HS6ST3: variants seen among roughly 807,000 people sequenced by gnomAD.
HS6ST3 encodes heparan sulfate 6-O-sulfotransferase 3.
HS6ST3 carries 12 observed loss-of-function variants against 36.7 expected under a neutral mutation model. That is an observed-to-expected ratio of 0.33 (90% CI 0.21 to 0.53). The LOEUF (loss-of-function observed/expected upper bound fraction) is 0.53. HS6ST3 is among the 20% of genes least tolerant of loss of function. The pLI, the probability that HS6ST3 is intolerant of heterozygous loss-of-function variation, is 0.95. For synonymous variants in HS6ST3, 240 were observed against 257.5 expected (o/e 0.93, Z 0.65); for missense variants, 584 against 640.9 (o/e 0.91, Z 0.96).
At chr13:96,554,569 G>T (rs2056232228) in intron 1 of HS6ST3, among the ~76,000 whole-genome samples, 1 of 152,062 alleles carries the variant, frequency 6.6e-6, no homozygotes, top group South Asian at 2.1e-4. Context: ...CTTATCTGTG[G>T]ACTGTTAGGG....
chr13:96,404,904 C>T (rs932481018), intron 1 of HS6ST3, among the ~76,000 whole-genome samples: 7 of 152,234 alleles, frequency 4.6e-5, no homozygotes, highest in Non-Finnish European at 7.4e-5. Context: ...ATTATGGGGG[C>T]GGATCTTTCC....
intron 1 of HS6ST3, among the ~76,000 whole-genome samples, chr13:96,353,179 G>A (rs1348428878): frequency 7.4e-5 from 11 of 149,066 alleles, no homozygotes; most frequent in East Asian, 2.0e-4. Flanking sequence ...TCAGCCTCCC[G>A]AGTAGCTGGG....
chr13:96,758,559 A>C (rs989153109), intron 1 of HS6ST3, among the ~76,000 whole-genome samples: 1 of 151,668 alleles, frequency 6.6e-6, no homozygotes, highest in African/African-American at 2.4e-5. Context: ...TTATCCCACA[A>C]ATTTTGATGT....
At chr13:96,671,221 T>G (rs2056681585) in intron 1 of HS6ST3, among the ~76,000 whole-genome samples, 1 of 152,170 alleles carries the variant, frequency 6.6e-6, no homozygotes, top group Admixed American at 6.5e-5. Context: ...CAGAGCTTTG[T>G]GTACAGGCTT....
At chr13:96,196,079 C>T (rs574133212) in intron 1 of HS6ST3, among the ~76,000 whole-genome samples, 1 of 152,058 alleles carries the variant, frequency 6.6e-6, no homozygotes, top group African/African-American at 2.4e-5. Flanking sequence ...TGTACTCTTA[C>T]AGTATGTTCC....
At chr13:96,713,121 T>A (rs2138462489) in intron 1 of HS6ST3, among the ~76,000 whole-genome samples, 1 of 152,330 alleles carries the variant, frequency 6.6e-6, no homozygotes, top group South Asian at 2.1e-4. Context: ...TGGGTGTTGA[T>A]GTTAACGGGA....
chr13:96,407,525 C>T (rs9513140), intron 1 of HS6ST3, among the ~76,000 whole-genome samples: 71,988 of 151,974 alleles, frequency 0.47, 17,395 homozygotes, highest in Middle Eastern at 0.58. Context: ...GCTCAATAGG[C>T]GTTCACCTGG....
At chr13:96,209,982 T>G (rs2054390664) in intron 1 of HS6ST3, among the ~76,000 whole-genome samples, 1 of 152,246 alleles carries the variant, frequency 6.6e-6, no homozygotes, top group African/African-American at 2.4e-5. Context: ...AGATTGTAAT[T>G]CTGTGAGAAC....
chr13:96,555,558 G>A (rs1048609337), intron 1 of HS6ST3, among the ~76,000 whole-genome samples: 10 of 152,128 alleles, frequency 6.6e-5, no homozygotes, highest in East Asian at 1.9e-4. Flanking sequence ...AACCTACAGC[G>A]ACATTGTATT....
At chr13:96,475,195 A>G (rs1225644971) in intron 1 of HS6ST3, among the ~76,000 whole-genome samples, 1 of 152,098 alleles carries the variant, frequency 6.6e-6, no homozygotes, top group African/African-American at 2.4e-5. Context: ...GCATTCTCTG[A>G]GCTATTCTAC....
chr13:96,385,282 A>T (rs1464574102), intron 1 of HS6ST3, among the ~76,000 whole-genome samples: 1 of 152,196 alleles, frequency 6.6e-6, no homozygotes, highest in Non-Finnish European at 1.5e-5. Flanking sequence ...TATTTGTCAA[A>T]ATACACTTCA....
At chr13:96,126,034 A>G (rs1292718703) in intron 1 of HS6ST3, among the ~76,000 whole-genome samples, 2 of 152,116 alleles carry the variant, frequency 1.3e-5, no homozygotes, top group Non-Finnish European at 2.9e-5. Context: ...ATTCTGCTAG[A>G]ACATTTTAGC....
intron 1 of HS6ST3, among the ~76,000 whole-genome samples, chr13:96,458,603 C>T (rs561088531): frequency 7.3e-5 from 11 of 149,912 alleles, no homozygotes; most frequent in Non-Finnish European, 1.2e-4. Flanking sequence ...ACTGTCCTGC[C>T]TACCTCATCT....
At chr13:96,141,517 A>AT (rs921427900) in intron 1 of HS6ST3, among the ~76,000 whole-genome samples, 28 of 151,232 alleles carry the variant, frequency 1.9e-4, no homozygotes, top group African/African-American at 5.6e-4. Flanking sequence ...TGCCCAGCTA[A>AT]TTTTTTTTCA....
chr13:96,512,808 A>T (rs2056055689), intron 1 of HS6ST3, among the ~76,000 whole-genome samples: 1 of 152,022 alleles, frequency 6.6e-6, no homozygotes, highest in Admixed American at 6.6e-5. Flanking sequence ...TTCTGTGGGT[A>T]ATTATATCAT....
chr13:96,820,997 CA>C (rs1247321312), intron 1 of HS6ST3, among the ~76,000 whole-genome samples: 3 of 152,208 alleles, frequency 2.0e-5, no homozygotes, highest in Non-Finnish European at 4.4e-5. Context: ...ATTGTTCTGA[CA>C]TTACTACAGC....
chr13:96,220,439 T>C (rs1395449844), intron 1 of HS6ST3, among the ~76,000 whole-genome samples: 1 of 152,218 alleles, frequency 6.6e-6, no homozygotes, highest in Non-Finnish European at 1.5e-5. Flanking sequence ...AGCAGTTATC[T>C]CACAGTCATC....
intron 1 of HS6ST3, among the ~76,000 whole-genome samples, chr13:96,435,112 A>G (rs955363743): frequency 1.4e-4 from 21 of 152,022 alleles, no homozygotes; most frequent in East Asian, 3.9e-4. Context: ...TCCTTGAAGC[A>G]CTCTGGAAAT....
intron 1 of HS6ST3, among the ~76,000 whole-genome samples, chr13:96,736,939 CAT>C (rs1466202919): frequency 6.6e-6 from 1 of 152,150 alleles, no homozygotes; most frequent in Non-Finnish European, 1.5e-5. Context: ...GAACCTATAA[CAT>C]AGATCTGAAG....
Sources: gnomAD v4.1 joint callset for allele counts (sites outside exome capture counted in the v4.1 genomes callset) on GRCh38, gnomAD v4.1.1 for gene constraint, MANE v1.5 for transcripts, NCBI Gene and HGNC (gene_info 2026-07-23, HGNC 2026-07-21) for gene names.